ZNF267: variants seen among roughly 807,000 people sequenced by gnomAD.
ZNF267 encodes the protein zinc finger (C2H2).
In ZNF267, 61 loss-of-function variants were observed where a neutral mutation model predicts 71.6. The ratio of observed to expected loss-of-function variants is 0.85; its 90% CI spans 0.69 to 1.05. The LOEUF (loss-of-function observed/expected upper bound fraction) is 1.05, where lower values mean the gene tolerates loss of function less well. Among genes scored for constraint, ZNF267 ranks in the 50% least tolerant of loss-of-function variants. The pLI is 0.00. For synonymous variants in ZNF267, 288 were observed against 293.2 expected (o/e 0.98, Z 0.18); for missense variants, 852 against 870.0 (o/e 0.98, Z 0.26).
intron 3 of ZNF267, among the ~76,000 whole-genome samples, chr16:31,909,106 ATTTCT>A (rs2084114770): frequency 1.4e-5 from 1 of 70,824 alleles, no homozygotes; most frequent in Non-Finnish European, 2.9e-5. Context: ...TCTATCTTCT[ATTTCT>A]TTTCTTTTCT....
Position 31,915,687 on chromosome 16 carries a change from A to G in ZNF267, c.1438A>G (p.Ile480Val). 2.5e-6 allele frequency: 4 copies of G among 1,613,826 alleles called. No individual in the cohort carries two copies. Among genetic ancestry groups the G allele is most frequent in the Non-Finnish European group, 3.4e-6 (4 of 1,179,946 alleles). The change falls in exon 4 of 4, where the codon ATT becomes GTT. Residue 480 changes from isoleucine to valine, a missense_variant. Transcript: ENST00000300870. ...ATCTTATGCTCGTTCTTCAAATCTTATTATGCATCAGAGAGTTCATACTGG... is the reference window on the plus strand; with the variant it reads ...ATCTTATGCTCGTTCTTCAAATCTTGTTATGCATCAGAGAGTTCATACTGG... ...SKSYARSSNL[I>V]MHQRVHTGEK... is the part of the protein sequence containing the mutation.
At chr16:31,899,606 C>T (rs1023958331) in intron 3 of ZNF267, among the ~76,000 whole-genome samples, 1 of 152,142 alleles carries the variant, frequency 6.6e-6, no homozygotes, top group Non-Finnish European at 1.5e-5. Context: ...GACACCCTAA[C>T]ATCACGATTA....
At chr16:31,902,689 T>G (rs939248329) in intron 3 of ZNF267, among the ~76,000 whole-genome samples, 2 of 152,232 alleles carry the variant, frequency 1.3e-5, no homozygotes, top group Non-Finnish European at 2.9e-5. Flanking sequence ...AAGGAGATTT[T>G]GGGCTGAGAC....
chr16:31,897,835 T>C lies in ZNF267; in HGVS notation c.226+12579T>C, dbSNP rs145061414. Reference sequence around the variant, plus strand: ...TCTGTTGTAGTCAAAAATAATACTTTGTGTGATTTCCATCTGTTTAAATTT... The same window carrying C: ...TCTGTTGTAGTCAAAAATAATACTTCGTGTGATTTCCATCTGTTTAAATTT... On this transcript the variant is annotated intron_variant, in intron 3 of 3. Transcript: ENST00000300870. 3.2e-3 allele frequency among the ~76,000 whole-genome samples: 493 copies of C among 152,292 alleles called. 1 individual carries two copies. Among genetic ancestry groups the C allele is most frequent in the Middle Eastern group, 0.014 (4 of 294 alleles).
rs762185591 is a variant in ZNF267, at chr16:31,915,697, A to G, written c.1448A>G (p.Gln483Arg). Residue 483 changes from glutamine (Q) to arginine (R), a missense_variant, in exon 4 of 4, where the codon CAG (glutamine) becomes CGG (arginine). Gln to Arg is a conservative substitution (Grantham distance 43, BLOSUM62 1). Transcript: ENST00000300870. ...CGTTCTTCAAATCTTATTATGCATC[A>G]GAGAGTTCATACTGGAGAGAAGCCT... is the stretch of plus-strand genomic sequence containing the variant. ...YARSSNLIMH[Q>R]RVHTGEKPYK... is the part of the protein sequence containing the mutation. 6.2e-7 allele frequency: 1 copy of G among 1,613,826 alleles called. No individual in the cohort carries two copies. Among genetic ancestry groups the G allele is most frequent in the South Asian group, 1.1e-5 (1 of 91,054 alleles).
At chr16:31,880,169 G>T (rs2083879951) in intron 1 of ZNF267, among the ~76,000 whole-genome samples, 1 of 152,220 alleles carries the variant, frequency 6.6e-6, no homozygotes, top group Admixed American at 6.5e-5. Context: ...GACATTTTCT[G>T]CATTGTGAGA....
intron 1 of ZNF267, among the ~76,000 whole-genome samples, chr16:31,881,278 A>G (rs2083888163): frequency 6.6e-6 from 1 of 152,164 alleles, no homozygotes; most frequent in Non-Finnish European, 1.5e-5. Context: ...TAAAGCAGCA[A>G]TGTAGAGATG....
chr16:31,916,368 C>G lies in ZNF267; in HGVS notation c.2119C>G (p.Arg707Gly). The G allele has an allele frequency of 6.2e-7, 1 of 1,613,958 alleles. No individual in the cohort carries two copies. The highest frequency in any genetic ancestry group is 8.5e-7 in the Non-Finnish European group (1 of 1,179,944). Residue 707 changes from arginine to glycine, a missense_variant, in exon 4 of 4, where the codon CGG becomes GGG. Physicochemically the swap from Arg to Gly is moderately radical, Grantham distance 125. Transcript: ENST00000300870. Reference sequence around the variant, plus strand: ...CTATAGGTCATACCTCACTACACATCGGAGAAGTCATAGTGGAGAGAGACC... The same window carrying G: ...CTATAGGTCATACCTCACTACACATGGGAGAAGTCATAGTGGAGAGAGACC... ...FSYRSYLTTH[R>G]RSHSGERPYK...
At position 31,873,890 on chromosome 16, in the gene ZNF267, G is replaced by A. The variant is rs764474491; in HGVS notation, c.-77G>A. On this transcript the variant is annotated 5_prime_UTR_variant, in exon 1 of 4. Transcript: ENST00000300870. Reference sequence around the variant, plus strand: ...CGGCTTCGCGTTCTGAGAATAAACAGAACCTCTGTTGCTCTGCGACTTGCA... The same window carrying A: ...CGGCTTCGCGTTCTGAGAATAAACAAAACCTCTGTTGCTCTGCGACTTGCA... The A allele has an allele frequency of 3.7e-6, 6 of 1,603,612 alleles. No homozygotes were observed. The highest frequency in any genetic ancestry group is 4.3e-6 in the Non-Finnish European group (5 of 1,170,582).
intron 3 of ZNF267, among the ~76,000 whole-genome samples, chr16:31,898,193 C>T (rs2084013666): frequency 6.6e-6 from 1 of 152,094 alleles, no homozygotes; most frequent in Admixed American, 6.6e-5. Context: ...GCTTTCTGGT[C>T]AGTGGACACT....
chr16:31,880,920 A>G lies in ZNF267; in HGVS notation c.4-3578A>G, dbSNP rs1242782845. 2.0e-5 allele frequency among the ~76,000 whole-genome samples: 3 copies of G among 152,330 alleles called. No homozygotes were observed. In the East Asian group the frequency reaches 5.8e-4, roughly 29 times the overall value. ...AACTTTCAGTCTAAAGCAGACGGAT[A>G]ATGGTTGAATTCAACATCATGTGGT... On this transcript the variant is annotated intron_variant, in intron 1 of 3. Transcript: ENST00000300870.
At chr16:31,903,702 G>A (rs1314845254) in intron 3 of ZNF267, among the ~76,000 whole-genome samples, 2 of 151,856 alleles carry the variant, frequency 1.3e-5, no homozygotes, top group East Asian at 3.9e-4. Context: ...GTCTTGCTAT[G>A]GGTCTATGAA....
chr16:31,886,240 A>AT (rs1319301016), intron 3 of ZNF267, among the ~76,000 whole-genome samples: 1 of 152,192 alleles, frequency 6.6e-6, no homozygotes, highest in Admixed American at 6.5e-5. Flanking sequence ...TTAGATGCCA[A>AT]TTTTTGTGTG....
At chr16:31,909,381 C>T (rs764763673) in intron 3 of ZNF267, among the ~76,000 whole-genome samples, 6 of 152,014 alleles carry the variant, frequency 3.9e-5, no homozygotes, top group Non-Finnish European at 7.4e-5. Flanking sequence ...GATCTGCCCA[C>T]CTCGGCCTCC....
In ZNF267 at chr16:31,915,647, T is replaced by C; in HGVS notation, c.1398T>C (p.Cys466=). Residue 466 remains cysteine, a synonymous_variant, in exon 4 of 4, where the codon TGT becomes TGC. Transcript: ENST00000300870. The part of the protein sequence containing the change: ...TTHTGEKLYK[C]KVCSKSYARS... ...ATACAGGAGAAAAACTTTACAAATG[T>C]AAAGTATGTAGCAAATCTTATGCTC... The C allele has an allele frequency of 6.2e-7, 1 of 1,613,966 alleles. No individual in the cohort carries two copies. The highest frequency in any genetic ancestry group is 1.1e-5 in the South Asian group (1 of 91,068).
At chr16:31,910,748 TTTA>T (rs1475300494) in intron 3 of ZNF267, among the ~76,000 whole-genome samples, 1 of 151,526 alleles carries the variant, frequency 6.6e-6, no homozygotes, top group Admixed American at 6.6e-5. Flanking sequence ...TGCTGTGATG[TTTA>T]TTATAATTTT....
At position 31,916,364 on chromosome 16, in the gene ZNF267, A is replaced by G; in HGVS notation, c.2115A>G (p.Thr705=). ...TCAGCTATAGGTCATACCTCACTAC[A>G]CATCGGAGAAGTCATAGTGGAGAGA... ...KAFSYRSYLT[T]HRRSHSGERP... is the part of the protein sequence containing the mutation. The change falls in exon 4 of 4, where the codon ACA becomes ACG. Residue 705 remains threonine (T), a synonymous_variant. Coordinates refer to ENST00000300870, the MANE Select transcript of ZNF267 (RefSeq NM_003414.6). The G allele has an allele frequency of 1.2e-6, 2 of 1,613,472 alleles. No individual in the cohort carries two copies. Among genetic ancestry groups the G allele is most frequent in the Non-Finnish European group, 1.7e-6 (2 of 1,179,808 alleles).
chr16:31,888,939 A>T (rs1441057145), intron 3 of ZNF267, among the ~76,000 whole-genome samples: 2 of 151,404 alleles, frequency 1.3e-5, no homozygotes, highest in Admixed American at 6.6e-5. Flanking sequence ...TGGTCATGGG[A>T]TTTTTTTTAA....
rs556448087 is a variant in ZNF267 at position 31,879,805 on chromosome 16, G to A, written c.4-4693G>A. On this transcript the variant is annotated intron_variant, in intron 1 of 3. Coordinates refer to ENST00000300870, the MANE Select transcript of ZNF267 (RefSeq NM_003414.6). ...CCTGAAACTGATTCAGAGACCATGG[G>A]GGCTGGAAACCAACCAGGCACACAC... 5.3e-5 allele frequency among the ~76,000 whole-genome samples: 8 copies of A among 152,260 alleles called. No homozygotes were observed. In the South Asian group the frequency reaches 1.4e-3, roughly 28 times the overall value.
Sources: allele counts gnomAD v4.1 joint callset (sites outside exome capture counted in the v4.1 genomes callset), GRCh38; gene constraint gnomAD v4.1.1; transcripts MANE v1.5; gene names NCBI Gene and HGNC (gene_info 2026-07-23, HGNC 2026-07-21).